The following KIAA1958 variants were observed in gnomAD, a reference collection of about 807,000 sequenced individuals.
KIAA1958 encodes uncharacterized protein KIAA1958.
KIAA1958 carries 14 observed loss-of-function variants against 47.2 expected under a neutral mutation model. The observed-to-expected ratio is 0.30, with a 90% CI of 0.20 to 0.46. The LOEUF (loss-of-function observed/expected upper bound fraction) is 0.46. KIAA1958 is among the 20% of genes least tolerant of loss of function. The pLI is 1.00. For missense variants in KIAA1958, 803 were observed against 909.2 expected (o/e 0.88, Z 1.50); for synonymous variants, 354 against 353.3 (o/e 1.00, Z -0.02).
At chr9:112,605,365 C>T (rs1010784589) in intron 2 of KIAA1958, among the ~76,000 whole-genome samples, 3 of 152,226 alleles carry the variant, frequency 2.0e-5, no homozygotes, top group Non-Finnish European at 2.9e-5. Context: ...TGGATGTTCT[C>T]CTGTTCCCTC....
At chr9:112,525,791 A>G (rs914434956) in intron 1 of KIAA1958, among the ~76,000 whole-genome samples, 4 of 151,572 alleles carry the variant, frequency 2.6e-5, no homozygotes, top group African/African-American at 9.7e-5. Context: ...TTGCATAACC[A>G]AAATATGAAC....
chr9:112,550,003 TCTA>T (rs1835113801), intron 1 of KIAA1958, among the ~76,000 whole-genome samples: 1 of 152,200 alleles, frequency 6.6e-6, no homozygotes, highest in African/African-American at 2.4e-5. Flanking sequence ...TTTGCAAAGA[TCTA>T]CTAGAGTTGA....
chr9:112,615,580 C>G (rs1371876528), intron 2 of KIAA1958, among the ~76,000 whole-genome samples: 2 of 152,098 alleles, frequency 1.3e-5, no homozygotes, highest in Non-Finnish European at 2.9e-5. Flanking sequence ...TTTGGTAGTT[C>G]TGCAGAATAT....
intron 1 of KIAA1958, among the ~76,000 whole-genome samples, chr9:112,519,962 A>T (rs1435999048): frequency 2.0e-5 from 3 of 152,182 alleles, no homozygotes; most frequent in African/African-American, 7.2e-5. Context: ...ATATTGCAGG[A>T]AGTGGACTAG....
At chr9:112,614,867 C>T (rs1317483927) in intron 2 of KIAA1958, among the ~76,000 whole-genome samples, 1 of 152,156 alleles carries the variant, frequency 6.6e-6, no homozygotes, top group Non-Finnish European at 1.5e-5. Flanking sequence ...AGGAGAGCTT[C>T]ACTCGGGACT....
At chr9:112,586,419 T>G (rs1171594373) in intron 2 of KIAA1958, among the ~76,000 whole-genome samples, 2 of 152,238 alleles carry the variant, frequency 1.3e-5, no homozygotes, top group East Asian at 3.8e-4. Flanking sequence ...TTTACTAGTA[T>G]CTGAAAGGCA....
intron 1 of KIAA1958, among the ~76,000 whole-genome samples, chr9:112,559,962 A>G (rs1415388325): frequency 6.6e-6 from 1 of 152,302 alleles, no homozygotes; most frequent in Non-Finnish European, 1.5e-5. Flanking sequence ...CTGATAGTGT[A>G]TACTAAAAAC....
chr9:112,609,618 C>A (rs1458792992), intron 2 of KIAA1958, among the ~76,000 whole-genome samples: 1 of 152,156 alleles, frequency 6.6e-6, no homozygotes, highest in East Asian at 1.9e-4. Flanking sequence ...GTGGCATGAT[C>A]ATGACTCACT....
chr9:112,661,801 T>G lies in KIAA1958; in HGVS notation c.*1732T>G, dbSNP rs578005425. 8.8e-4 allele frequency: 134 copies of G among 152,378 alleles called. 1 individual carries two copies. Among genetic ancestry groups the G allele is most frequent in the African/African-American group, 3.0e-3 (125 of 41,588 alleles). The allele number at this position is 152,378 out of a possible 1,614,324, so 9.4% of individuals were successfully genotyped here. A position where few individuals can be genotyped will look rare whatever the true frequency, so the allele number is the denominator to read the frequency against. ...ATTTAATCATCAGTGTATGACTTGA[T>G]ATCACATAACGTTCTGGTGTGGTTT... On this transcript the variant is annotated 3_prime_UTR_variant, in exon 4 of 4. Coordinates refer to ENST00000337530, the MANE Select transcript of KIAA1958 (RefSeq NM_133465.4).
At chr9:112,494,419 A>G (rs959277414) in intron 1 of KIAA1958, among the ~76,000 whole-genome samples, 30 of 142,470 alleles carry the variant, frequency 2.1e-4, no homozygotes, top group African/African-American at 7.8e-4. Context: ...TATTTGCTCT[A>G]TTTTTATGTT....
rs1053158150 is a variant in KIAA1958, at chr9:112,532,978, A to AT, written c.-24-41070dup. Among the ~76,000 whole-genome samples the AT allele has an allele frequency of 8.6e-5, 13 of 151,302 alleles. No homozygotes were observed. The South Asian group carries it at 1.0e-3, about 12-fold the overall frequency. ...ATTTTAATATGAATTTTAAATGTAT[A>AT]TTTTTTTTTCAGATACCTGATTATA... is the stretch of plus-strand genomic sequence containing the variant. On this transcript the variant is annotated intron_variant, in intron 1 of 3. Coordinates refer to ENST00000337530, the MANE Select transcript of KIAA1958 (RefSeq NM_133465.4).
chr9:112,521,241 C>A (rs1425633034), intron 1 of KIAA1958, among the ~76,000 whole-genome samples: 2 of 152,094 alleles, frequency 1.3e-5, no homozygotes, highest in African/African-American at 4.8e-5. Context: ...ATAGGTCTTG[C>A]TCTGTTGCCC....
At position 112,659,348 on chromosome 9, in the gene KIAA1958, C is replaced by T. The variant is rs769609897; in HGVS notation, c.1430C>T (p.Ser477Leu). ...GACGGCTCGGACTTCCTGGCCACCT[C>T]GCTCCATGCTATTCGCCGAGGCCTG... ...KSDGSDFLAT[S>L]LHAIRRGLDR... The change falls in exon 4 of 4, where the codon TCG becomes TTG. Residue 477 changes from serine to leucine, a missense_variant. Transcript: ENST00000337530. 2.5e-6 allele frequency: 4 copies of T among 1,614,094 alleles called. No individual in the cohort carries two copies. Among genetic ancestry groups the T allele is most frequent in the Non-Finnish European group, 3.4e-6 (4 of 1,180,014 alleles).
At chr9:112,554,769 T>G (rs1174412943) in intron 1 of KIAA1958, among the ~76,000 whole-genome samples, 2 of 152,110 alleles carry the variant, frequency 1.3e-5, no homozygotes, top group African/African-American at 4.8e-5. Context: ...CAGCCTGATT[T>G]GGAAGAACCC....
In KIAA1958 at chr9:112,547,677, C is replaced by A. The variant is rs980687485; in HGVS notation, c.-24-26380C>A. ...AAGTATTTTACCCCAAAATATATTT[C>A]TTTGACATATTTTGAAATGACCCTG... is the stretch of plus-strand genomic sequence containing the variant. On this transcript the variant is annotated intron_variant, in intron 1 of 3. Transcript: ENST00000337530. Among the ~76,000 whole-genome samples the A allele has an allele frequency of 2.0e-5, 3 of 152,168 alleles. No homozygotes were observed. In the South Asian group the frequency reaches 6.2e-4, roughly 32 times the overall value.
chr9:112,553,417 C>A (rs1320873784), intron 1 of KIAA1958, among the ~76,000 whole-genome samples: 2 of 152,008 alleles, frequency 1.3e-5, no homozygotes, highest in African/African-American at 2.4e-5. Flanking sequence ...GGGCTCAAGC[C>A]ATCCTCCTGC....
intron 2 of KIAA1958, among the ~76,000 whole-genome samples, chr9:112,637,746 C>T (rs980172754): frequency 6.6e-6 from 1 of 152,138 alleles, no homozygotes; most frequent in African/African-American, 2.4e-5. Flanking sequence ...TTTTAGCATA[C>T]TAAAGATATC....
intron 1 of KIAA1958, among the ~76,000 whole-genome samples, chr9:112,505,647 T>A (rs768446513): frequency 5.3e-5 from 8 of 152,234 alleles, no homozygotes; most frequent in Non-Finnish European, 1.2e-4. Context: ...AAATTGTATG[T>A]TGTTGTAGCA....
chr9:112,643,432 C>T (rs1434225452), intron 2 of KIAA1958, among the ~76,000 whole-genome samples: 1 of 152,196 alleles, frequency 6.6e-6, no homozygotes, highest in East Asian at 1.9e-4. Flanking sequence ...TGTAAAACCT[C>T]TTGGCATATA....
Sources: allele counts gnomAD v4.1 joint callset (sites outside exome capture counted in the v4.1 genomes callset), GRCh38; gene constraint gnomAD v4.1.1; transcripts MANE v1.5; gene names NCBI Gene and HGNC (gene_info 2026-07-23, HGNC 2026-07-21).